ATP2C2: variants seen among roughly 807,000 people sequenced by gnomAD.
ATP2C2 encodes ATPase secretory pathway Ca2+ transporting 2.
In ATP2C2, 171 loss-of-function variants were observed where a neutral mutation model predicts 110.8. The observed-to-expected ratio is 1.54, with a 90% confidence interval of 1.36 to 1.75. ATP2C2 has a LOEUF of 1.75. Ranked by LOEUF, ATP2C2 falls within the 40% of genes most tolerant of loss-of-function variation. The pLI, the probability that ATP2C2 is intolerant of heterozygous loss-of-function variation, is 0.00. For missense variants in ATP2C2, 1,963 were observed against 1,235.0 expected (o/e 1.59, Z -8.84); for synonymous variants, 804 against 508.4 (o/e 1.58, Z -7.82).
intron 25 of ATP2C2, 67 bp downstream of exon 25, chr16:84,461,879 C>T (rs1911391498): frequency 5.6e-6 from 9 of 1,608,840 alleles, no homozygotes; most frequent in Non-Finnish European, 7.7e-6. Flanking sequence ...CGCCCCGACC[C>T]TGCCCGCAGC....
At chr16:84,381,720 C>T (rs1025511812) in intron 1 of ATP2C2, among the ~76,000 whole-genome samples, 3 of 152,202 alleles carry the variant, frequency 2.0e-5, no homozygotes, top group East Asian at 3.9e-4. Flanking sequence ...TCTTCAATGG[C>T]GGTGTAGGCA....
intron 6 of ATP2C2, 101 bp from the exon 7 acceptor site, chr16:84,415,382 A>T: frequency 1.0e-6 from 1 of 990,424 alleles, no homozygotes; most frequent in Non-Finnish European, 1.6e-6. Flanking sequence ...TGTATATTAA[A>T]AGAGAAAAGT....
chr16:84,431,614 G>A (rs1305879030), intron 11 of ATP2C2, among the ~76,000 whole-genome samples: 2 of 151,924 alleles, frequency 1.3e-5, no homozygotes, highest in Non-Finnish European at 2.9e-5. Context: ...AGGGGGAACA[G>A]CACAGGCAAA....
chr16:84,422,910 C>G (rs535847572), intron 9 of ATP2C2, among the ~76,000 whole-genome samples: 1 of 152,034 alleles, frequency 6.6e-6, no homozygotes, highest in South Asian at 2.1e-4. Context: ...AGCAATCTGT[C>G]TGCCTCAGCC....
chr16:84,401,150 A>G (rs1004472773), intron 2 of ATP2C2, among the ~76,000 whole-genome samples: 1 of 151,274 alleles, frequency 6.6e-6, no homozygotes, highest in Non-Finnish European at 1.5e-5. Context: ...GCCCAGTTCA[A>G]TGTCCTGGAG....
At position 84,452,057 on chromosome 16, in the gene ATP2C2, A is replaced by G. The variant is rs775476132; in HGVS notation, c.1797A>G (p.Ile599Met). 30 of 1,613,744 alleles carry G rather than the reference A, an allele frequency of 1.9e-5. No individual in the cohort carries two copies. The highest frequency in any genetic ancestry group is 2.5e-5 in the Non-Finnish European group (30 of 1,179,976). The part of the protein sequence containing the change: ...LSESGVSVKM[I>M]TGDALETALA... ...AGTCTGGTGTGTCTGTGAAGATGAT[A>G]ACGGGGGATGCCCTGGAGACGGCCT... Residue 599 changes from isoleucine to methionine, a missense_variant, in exon 18 of 27, where the codon ATA becomes ATG. Coordinates refer to ENST00000262429, the MANE Select transcript of ATP2C2 (RefSeq NM_014861.4).
rs563452270 is a variant in ATP2C2 at position 84,463,785 on chromosome 16, T to C, written c.*53T>C. 10 of 1,490,534 alleles carry C rather than the reference T, an allele frequency of 6.7e-6. No homozygotes were observed. Among genetic ancestry groups the C allele is most frequent in the Non-Finnish European group, 9.4e-6 (10 of 1,068,914 alleles). The allele number at this position is 1,490,534 out of a possible 1,614,324, so 92.3% of individuals were successfully genotyped here. The stretch of plus-strand genomic sequence containing the variant: ...AATCATCTCGATCTGGTTGTGACTG[T>C]GGCCCCTGCCGTGTCTCCTCGTCAG... On this transcript the variant is annotated 3_prime_UTR_variant, in exon 27 of 27. Transcript: ENST00000262429.
In ATP2C2 at chr16:84,463,792, T is replaced by G; in HGVS notation, c.*60T>G. ...TCGATCTGGTTGTGACTGTGGCCCC[T>G]GCCGTGTCTCCTCGTCAGGGGAGAC... is the stretch of plus-strand genomic sequence containing the variant. On this transcript the variant is annotated 3_prime_UTR_variant, in exon 27 of 27. Transcript: ENST00000262429. The G allele has an allele frequency of 1.4e-6, 2 of 1,437,854 alleles. No individual in the cohort carries two copies. The highest frequency in any genetic ancestry group is 1.1e-5 in the South Asian group (1 of 87,008). 89.1% of individuals were successfully genotyped at this position (1,437,854 alleles called of 1,614,324 possible). A position where few individuals can be genotyped will look rare whatever the true frequency, so the allele number is the denominator to read the frequency against.
intron 7 of ATP2C2, 102 bp from the exon 8 acceptor site, chr16:84,422,288 T>C (rs1907408693): frequency 7.3e-7 from 1 of 1,378,186 alleles, no homozygotes; most frequent in African/African-American, 1.5e-5. Context: ...CACTGTGTTC[T>C]TGAGTTCATG....
chr16:84,408,296 A>C, intron 3 of ATP2C2, 109 bp from the exon 4 acceptor site: 1 of 1,015,204 alleles, frequency 9.9e-7, no homozygotes, highest in Non-Finnish European at 1.5e-6. Flanking sequence ...TTGACCTGGA[A>C]GCCTGGCCCT....
chr16:84,423,460 T>C (rs1005518045), intron 10 of ATP2C2, among the ~76,000 whole-genome samples, 197 bp downstream of exon 10: 16 of 152,226 alleles, frequency 1.1e-4, no homozygotes, highest in Non-Finnish European at 2.1e-4. Context: ...AAGCAGCCAC[T>C]ACATTTTCTT....
chr16:84,401,973 C>A (rs548449619), intron 2 of ATP2C2, among the ~76,000 whole-genome samples: 155 of 152,210 alleles, frequency 1.0e-3, no homozygotes, highest in African/African-American at 3.5e-3. Context: ...CATGGAATAT[C>A]TTTCCATTTT....
chr16:84,394,073 G>A (rs1904829755), intron 1 of ATP2C2, among the ~76,000 whole-genome samples: 1 of 151,766 alleles, frequency 6.6e-6, no homozygotes, highest in Admixed American at 6.6e-5. Context: ...TAGCTTCTCA[G>A]GAGGCTGAGG....
intron 15 of ATP2C2, among the ~76,000 whole-genome samples, chr16:84,442,918 A>G (rs996042939): frequency 3.3e-5 from 5 of 152,220 alleles, no homozygotes; most frequent in East Asian, 1.9e-4. Context: ...TATGCACCCA[A>G]CACGACCCTG....
chr16:84,404,879 C>A, intron 2 of ATP2C2: 1 of 574,030 alleles, frequency 1.7e-6, no homozygotes. Context: ...GCTGCATTTC[C>A]ATTTGTTGAA....
In ATP2C2 at chr16:84,424,576, C is replaced by CTTTTTTTTTTTTT. The variant is rs371614449; in HGVS notation, c.920-1148_920-1136dup. Among the ~76,000 whole-genome samples the CTTTTTTTTTTTTT allele has an allele frequency of 9.4e-4, 108 of 114,854 alleles. 4 individuals are homozygous for CTTTTTTTTTTTTT. The highest frequency in any genetic ancestry group is 4.1e-3 in the African/African-American group (102 of 24,866). The allele number at this position is 114,854 out of a possible 152,430, so 75.3% of individuals were successfully genotyped here. On this transcript the variant is annotated intron_variant, in intron 10 of 26. Coordinates refer to ENST00000262429, the MANE Select transcript of ATP2C2 (RefSeq NM_014861.4). ...TACAGGCATGAGCCACCGCACTGGG[C>CTTTTTTTTTTTTT]TTTTTTTTTTTTTTTTTTTTTTTAA... is the stretch of plus-strand genomic sequence containing the variant.
chr16:84,406,398 G>C (rs994014243), intron 3 of ATP2C2, among the ~76,000 whole-genome samples: 2 of 152,212 alleles, frequency 1.3e-5, no homozygotes, highest in Admixed American at 1.3e-4. Context: ...CCTTTTGCAT[G>C]CTCTTGGCCC....
intron 7 of ATP2C2, among the ~76,000 whole-genome samples, chr16:84,421,663 T>C (rs1026254366): frequency 3.3e-5 from 5 of 152,194 alleles, no homozygotes; most frequent in African/African-American, 1.2e-4. Flanking sequence ...GTTGCGGTTT[T>C]GCAAGATGGT....
At chr16:84,439,043 T>C (rs1908994920) in intron 11 of ATP2C2, 123 bp from the exon 12 acceptor site, 2 of 1,424,090 alleles carry the variant, frequency 1.4e-6, no homozygotes, top group Admixed American at 1.9e-5. Context: ...GAATGGAGAC[T>C]AGAACCAGGA....
Sources: allele counts gnomAD v4.1 joint callset (sites outside exome capture counted in the v4.1 genomes callset), GRCh38; gene constraint gnomAD v4.1.1; transcripts MANE v1.5; gene names NCBI Gene and HGNC (gene_info 2026-07-23, HGNC 2026-07-21).